Variants in STXBP4 observed in about 807,000 individuals in gnomAD.
STXBP4 encodes the protein syntaxin binding protein 4, also known as syntaxin-binding protein 4.
A neutral mutation model predicts 76.1 loss-of-function variants in STXBP4; 55 were observed. The observed-to-expected ratio is 0.72, with a 90% CI of 0.58 to 0.91. STXBP4 has a LOEUF of 0.91. Ranked by LOEUF, STXBP4 falls within the 40% of genes least tolerant of loss-of-function variation. The pLI is 0.00. For synonymous variants in STXBP4, 201 were observed against 220.2 expected (o/e 0.91, Z 0.77); for missense variants, 618 against 636.9 (o/e 0.97, Z 0.32).
At chr17:55,086,246 T>C (rs963370312) in intron 16 of STXBP4, among the ~76,000 whole-genome samples, 3 of 152,150 alleles carry the variant, frequency 2.0e-5, no homozygotes, top group Non-Finnish European at 4.4e-5. Context: ...GTTTTTTATA[T>C]TTTATTTAAA....
intron 8 of STXBP4, among the ~76,000 whole-genome samples, chr17:55,015,781 C>T (rs1011357540): frequency 6.6e-6 from 1 of 151,842 alleles, no homozygotes; most frequent in Non-Finnish European, 1.5e-5. Flanking sequence ...GGGAGGTAGA[C>T]TCTGAGGGCT....
At chr17:55,062,563 G>A (rs1358604724) in intron 12 of STXBP4, among the ~76,000 whole-genome samples, 1 of 152,104 alleles carries the variant, frequency 6.6e-6, no homozygotes, top group Non-Finnish European at 1.5e-5. Flanking sequence ...GTGTGCATGT[G>A]TGTGTGTGTC....
At chr17:55,201,440 G>T in the STXBP4 span, among the ~76,000 whole-genome samples, 1 of 152,032 alleles carries the variant, frequency 6.6e-6, no homozygotes, top group South Asian at 2.1e-4. Flanking sequence ...GAGGAAAGGA[G>T]GGAAAGGGAG....
At chr17:54,976,458 C>A (rs74855201) in intron 1 of STXBP4, among the ~76,000 whole-genome samples, 3 of 152,298 alleles carry the variant, frequency 2.0e-5, no homozygotes, top group African/African-American at 4.8e-5. Context: ...AACCATCAGG[C>A]CTCCCAGATA....
chr17:55,036,438 A>G (rs1484782542), intron 10 of STXBP4, among the ~76,000 whole-genome samples: 1 of 151,564 alleles, frequency 6.6e-6, no homozygotes, highest in African/African-American at 2.4e-5. Context: ...AATTAATGGT[A>G]TCTTTTAAAA....
intron 12 of STXBP4, among the ~76,000 whole-genome samples, chr17:55,068,416 G>A (rs571992779): frequency 6.6e-6 from 1 of 152,254 alleles, no homozygotes; most frequent in South Asian, 2.1e-4. Context: ...CCTAATTACA[G>A]ATGTGCTACT....
At chr17:55,101,213 A>T (rs1426531998) in intron 16 of STXBP4, among the ~76,000 whole-genome samples, 3 of 152,150 alleles carry the variant, frequency 2.0e-5, no homozygotes, top group African/African-American at 2.4e-5. Context: ...CAAGGCTAGA[A>T]TTTTTCCTGG....
intron 3 of STXBP4, among the ~76,000 whole-genome samples, chr17:54,988,730 C>T (rs975748876): frequency 6.6e-6 from 1 of 151,964 alleles, no homozygotes; most frequent in East Asian, 1.9e-4. Context: ...GCTGAGATCA[C>T]GCCACTGCAC....
rs1427866490 is a variant in STXBP4 at position 55,162,762 on chromosome 17, A to G, written c.*2851A>G. 2 of 152,232 alleles carry G rather than the reference A, an allele frequency of 1.3e-5. No homozygotes were observed. Among genetic ancestry groups the G allele is most frequent in the African/African-American group, 2.4e-5 (1 of 41,466 alleles). The allele number at this position is 152,232 out of a possible 1,614,324, so 9.4% of individuals were successfully genotyped here. A position where few individuals can be genotyped will look rare whatever the true frequency, so the allele number is the denominator to read the frequency against. ...AATACTGTGGTGAGTGATTTTACTC[A>G]AAGGAAATCACACTATTAAGCAGCT... is the stretch of plus-strand genomic sequence containing the variant. On this transcript the variant is annotated 3_prime_UTR_variant, in exon 18 of 18. Transcript: ENST00000376352.
At chr17:55,192,710 C>G in the STXBP4 span, among the ~76,000 whole-genome samples, 1 of 152,180 alleles carries the variant, frequency 6.6e-6, no homozygotes, top group East Asian at 1.9e-4. Context: ...CACAGTCAGC[C>G]TCTGAAGTCT....
chr17:55,199,233 G>A, the STXBP4 span, among the ~76,000 whole-genome samples: 35 of 152,278 alleles, frequency 2.3e-4, no homozygotes, highest in African/African-American at 7.9e-4. Flanking sequence ...TCAGTGACAG[G>A]ATTCTGCCCA....
At chr17:55,089,998 G>T (rs1375514432) in intron 16 of STXBP4, among the ~76,000 whole-genome samples, 1 of 152,090 alleles carries the variant, frequency 6.6e-6, no homozygotes, top group Non-Finnish European at 1.5e-5. Flanking sequence ...CACATGGATG[G>T]AAAGCAGGAA....
At chr17:55,192,127 G>C in the STXBP4 span, among the ~76,000 whole-genome samples, 1 of 152,094 alleles carries the variant, frequency 6.6e-6, no homozygotes, top group African/African-American at 2.4e-5. Context: ...ACGTGCTATT[G>C]AATCCAATAA....
chr17:54,983,154 C>T (rs551115782), intron 1 of STXBP4, among the ~76,000 whole-genome samples: 5 of 152,274 alleles, frequency 3.3e-5, no homozygotes, highest in South Asian at 4.1e-4. Context: ...TCCCAGGTTA[C>T]GCAGCCTTTC....
At chr17:55,006,887 T>TA (rs1265036431) in intron 7 of STXBP4, among the ~76,000 whole-genome samples, 5 of 152,220 alleles carry the variant, frequency 3.3e-5, no homozygotes, top group African/African-American at 1.2e-4. Context: ...AAAGACTTTT[T>TA]ATCTTTTTAA....
chr17:55,007,062 G>T (rs1039780274), intron 7 of STXBP4, among the ~76,000 whole-genome samples: 4 of 152,092 alleles, frequency 2.6e-5, no homozygotes, highest in Admixed American at 2.6e-4. Context: ...AACTTGCCGG[G>T]TGTGGTGGCT....
intron 12 of STXBP4, among the ~76,000 whole-genome samples, chr17:55,054,264 A>T (rs1236227696): frequency 6.6e-6 from 1 of 152,196 alleles, no homozygotes. Context: ...AGGTGGGTGG[A>T]TCACTTGAGG....
chr17:55,012,487 C>T (rs1302993219), intron 8 of STXBP4, among the ~76,000 whole-genome samples: 2 of 152,136 alleles, frequency 1.3e-5, no homozygotes, highest in Non-Finnish European at 2.9e-5. Flanking sequence ...AAGACTTCCA[C>T]CTCTTTAGGT....
chr17:55,209,425 C>T, the STXBP4 span, among the ~76,000 whole-genome samples: 1 of 152,132 alleles, frequency 6.6e-6, no homozygotes, highest in Non-Finnish European at 1.5e-5. Flanking sequence ...CCTGTCCCCT[C>T]AGCTGGGAGG....
Sources: gnomAD v4.1 joint callset for allele counts (sites outside exome capture counted in the v4.1 genomes callset) on GRCh38, gnomAD v4.1.1 for gene constraint, MANE v1.5 for transcripts, NCBI Gene and HGNC (gene_info 2026-07-23, HGNC 2026-07-21) for gene names.